RAD51: variants seen among roughly 807,000 people sequenced by gnomAD.
The protein encoded by RAD51 is DNA repair protein RAD51 homolog 1.
RAD51 carries 14 observed loss-of-function variants against 41.5 expected under a neutral mutation model. That is an observed-to-expected ratio of 0.34 (90% confidence interval 0.22 to 0.53). The LOEUF (loss-of-function observed/expected upper bound fraction) is 0.53, where lower values mean the gene tolerates loss of function less well. Among genes scored for constraint, RAD51 ranks in the 20% least tolerant of loss-of-function variants. RAD51 has a pLI of 0.95. For synonymous variants in RAD51, 136 were observed against 148.6 expected, an observed-to-expected ratio of 0.92 and a Z score of 0.62; for missense variants, 234 against 422.0, an observed-to-expected ratio of 0.55 and a Z score of 3.90.
At position 40,706,220 on chromosome 15, in the gene RAD51, C is replaced by G; in HGVS notation, c.269C>G (p.Thr90Ser). The G allele has an allele frequency of 6.2e-7, 1 of 1,614,168 alleles. No individual in the cohort carries two copies. Among genetic ancestry groups the G allele is most frequent in the Non-Finnish European group, 8.5e-7 (1 of 1,180,030 alleles). The change falls in exon 4 of 10, where the codon ACT becomes AGT. Residue 90 changes from threonine (T) to serine (S), a missense_variant. Physicochemically the swap from Thr to Ser is moderately conservative, Grantham distance 58. Around this residue, in one of 2 missense-constraint regions of RAD51, gnomAD observed 100 missense variants for 135.5 expected, o/e 0.74. Coordinates refer to ENST00000267868, the MANE Select transcript of RAD51 (RefSeq NM_002875.5). The stretch of plus-strand genomic sequence containing the variant: ...GTTCCAATGGGTTTCACCACTGCAA[C>G]TGAATTCCACCAAAGGCGGTCAGAG... ...KLVPMGFTTATEFHQRRSEII... is the reference protein window; with the variant it reads ...KLVPMGFTTASEFHQRRSEII...
At chr15:40,726,745 T>C (rs1202097531) in intron 6 of RAD51, among the ~76,000 whole-genome samples, 2 of 151,624 alleles carry the variant, frequency 1.3e-5, no homozygotes, top group Non-Finnish European at 2.9e-5. Flanking sequence ...AAACCCCGTC[T>C]CTACTAAAAA....
chr15:40,716,965 G>C (rs948871665), intron 5 of RAD51, among the ~76,000 whole-genome samples: 1 of 151,524 alleles, frequency 6.6e-6, no homozygotes, highest in African/African-American at 2.4e-5. Flanking sequence ...CCTGGCCTCC[G>C]GCCCTCTACT....
At chr15:40,714,604 G>C (rs1895893645) in intron 5 of RAD51, among the ~76,000 whole-genome samples, 1 of 152,148 alleles carries the variant, frequency 6.6e-6, no homozygotes, top group Non-Finnish European at 1.5e-5. Context: ...CAACTATATA[G>C]ATCGTTGACT....
intron 5 of RAD51, among the ~76,000 whole-genome samples, chr15:40,716,657 C>CTTTT (rs34860677): frequency 3.3e-4 from 29 of 88,166 alleles, no homozygotes; most frequent in African/African-American, 6.4e-4. Flanking sequence ...CTCTCTACTT[C>CTTTT]TTTTTTTTTT....
chr15:40,730,081 A>G, intron 9 of RAD51, 107 bp downstream of exon 9: 2 of 1,445,250 alleles, frequency 1.4e-6, no homozygotes, highest in South Asian at 1.2e-5. Context: ...ACTGTTGTAT[A>G]GACACTTAGG....
chr15:40,719,177 C>A, intron 6 of RAD51, among the ~76,000 whole-genome samples: 1 of 151,868 alleles, frequency 6.6e-6, no homozygotes. Flanking sequence ...CCCACCTCAG[C>A]CTTCCTAGTA....
intron 6 of RAD51, among the ~76,000 whole-genome samples, chr15:40,719,416 C>G (rs1341724577): frequency 1.3e-5 from 2 of 151,814 alleles, no homozygotes; most frequent in African/African-American, 4.8e-5. Context: ...AAAAATCCAA[C>G]TATATGTTTT....
At chr15:40,701,248 C>A (rs1219331408) in intron 3 of RAD51, 47 bp downstream of exon 3, 1 of 1,597,134 alleles carries the variant, frequency 6.3e-7, no homozygotes, top group East Asian at 2.2e-5. Flanking sequence ...GGGAATAGTA[C>A]AAAAGGGAAT....
At chr15:40,716,523 G>T (rs762914052) in intron 5 of RAD51, among the ~76,000 whole-genome samples, 3 of 151,704 alleles carry the variant, frequency 2.0e-5, no homozygotes, top group Non-Finnish European at 4.4e-5. Context: ...GCACCACCAC[G>T]CCCCACTAAT....
intron 6 of RAD51, among the ~76,000 whole-genome samples, chr15:40,721,034 T>C (rs1236880167): frequency 6.6e-6 from 1 of 152,116 alleles, no homozygotes; most frequent in Non-Finnish European, 1.5e-5. Context: ...ATACAAAAAT[T>C]AGCCAGGCAT....
At chr15:40,728,531 T>A (rs1279488926) in intron 6 of RAD51, among the ~76,000 whole-genome samples, 180 bp from the exon 7 acceptor site, 1 of 152,066 alleles carries the variant, frequency 6.6e-6, no homozygotes, top group Non-Finnish European at 1.5e-5. Context: ...GGTGCTATCA[T>A]CTCTCTGCTT....
chr15:40,731,441 C>G lies in RAD51; in HGVS notation c.*263C>G, dbSNP rs1291305664. 6 of 468,130 alleles carry G rather than the reference C, an allele frequency of 1.3e-5. No homozygotes were observed. The South Asian group carries it at 1.4e-4, about 11-fold the overall frequency. 29.0% of individuals were successfully genotyped at this position (468,130 alleles called of 1,614,324 possible). A position where few individuals can be genotyped will look rare whatever the true frequency, so the allele number is the denominator to read the frequency against. ...GTTTTGGAGGAGGGGTATGAAGTAT[C>G]TTTGACATGGTGCCTTAGGAATGAC... On this transcript the variant is annotated 3_prime_UTR_variant, in exon 10 of 10. Transcript: ENST00000267868.
At chr15:40,722,337 TG>T (rs1387544038) in intron 6 of RAD51, among the ~76,000 whole-genome samples, 1 of 151,000 alleles carries the variant, frequency 6.6e-6, no homozygotes, top group Non-Finnish European at 1.5e-5. Context: ...CGCTTGAACC[TG>T]GGAGGTGGAG....
intron 1 of RAD51, among the ~76,000 whole-genome samples, chr15:40,697,663 C>T (rs1010854643): frequency 2.0e-5 from 3 of 149,210 alleles, no homozygotes; most frequent in African/African-American, 7.4e-5. Context: ...CTGCAAGCTC[C>T]GCCTCCTGGG....
At chr15:40,696,425 T>G (rs1448307827) in intron 1 of RAD51, among the ~76,000 whole-genome samples, 1 of 152,038 alleles carries the variant, frequency 6.6e-6, no homozygotes, top group Non-Finnish European at 1.5e-5. Context: ...TAGGAAAAAT[T>G]AGCTAGGCAT....
chr15:40,715,834 G>A (rs1320532325), intron 5 of RAD51, among the ~76,000 whole-genome samples: 1 of 152,210 alleles, frequency 6.6e-6, no homozygotes, highest in East Asian at 1.9e-4. Flanking sequence ...GTAGGAGAAA[G>A]GAGAACTTCG....
At chr15:40,728,372 G>A (rs935680241) in intron 6 of RAD51, among the ~76,000 whole-genome samples, 7 of 151,956 alleles carry the variant, frequency 4.6e-5, no homozygotes, top group East Asian at 1.9e-4. Flanking sequence ...CAGGAGAATC[G>A]CGTGAACCCA....
intron 4 of RAD51, among the ~76,000 whole-genome samples, chr15:40,708,789 G>C (rs924681641): frequency 6.6e-6 from 1 of 152,010 alleles, no homozygotes; most frequent in Admixed American, 6.6e-5. Flanking sequence ...GCCCAGGCTG[G>C]TCTCGAACTC....
chr15:40,727,462 G>A (rs916340699), intron 6 of RAD51, among the ~76,000 whole-genome samples: 2 of 151,656 alleles, frequency 1.3e-5, no homozygotes, highest in East Asian at 2.0e-4. Context: ...GATTACAGGC[G>A]CCTGCAACCA....
Sources: gnomAD v4.1 joint callset for allele counts (sites outside exome capture counted in the v4.1 genomes callset) on GRCh38, gnomAD v4.1.1 for gene constraint, gnomAD v4.1.1 regional missense constraint, MANE v1.5 for transcripts, NCBI Gene and HGNC (gene_info 2026-07-23, HGNC 2026-07-21) for gene names.